The following OVCH1 variants were observed in gnomAD, a reference collection of about 807,000 sequenced individuals.
The protein encoded by OVCH1 is ovochymase-1.
In OVCH1, 139 loss-of-function variants were observed where a neutral mutation model predicts 138.4. That is an observed-to-expected ratio of 1.00 (90% CI 0.87 to 1.16). The LOEUF is 1.16. Ranked by LOEUF, OVCH1 falls within the 50% of genes most tolerant of loss-of-function variation. The pLI is 0.00. For missense variants in OVCH1, 1,367 were observed against 1,357.9 expected, an observed-to-expected ratio of 1.01 and a Z score of -0.11; for synonymous variants, 453 against 467.8, an observed-to-expected ratio of 0.97 and a Z score of 0.41.
chr12:29,409,266 A>G (rs1223747544), downstream of OVCH1, among the ~76,000 whole-genome samples: 2 of 152,102 alleles, frequency 1.3e-5, no homozygotes, highest in Admixed American at 1.3e-4. Flanking sequence ...CAGCTCCTGG[A>G]TTCATTAATG....
chr12:29,440,881 A>T (rs1332156537), intron 25 of OVCH1, 137 bp from the exon 26 acceptor site: 2 of 401,634 alleles, frequency 5.0e-6, no homozygotes, highest in East Asian at 1.4e-4. Flanking sequence ...GGAGAGTGAC[A>T]CTTGTATCTG....
At chr12:29,405,071 A>ATGTT in the OVCH1 span, among the ~76,000 whole-genome samples, 1 of 137,342 alleles carries the variant, frequency 7.3e-6, no homozygotes, top group Non-Finnish European at 1.5e-5. Flanking sequence ...AGAAATGATC[A>ATGTT]TGTTTGTAGG....
intron 19 of OVCH1, among the ~76,000 whole-genome samples, chr12:29,460,408 A>G (rs574507234): frequency 1.8e-4 from 27 of 152,308 alleles, no homozygotes; most frequent in African/African-American, 6.3e-4. Flanking sequence ...TTTTTATCAG[A>G]TAACATTTAT....
chr12:29,477,884 G>A (rs929038618), intron 9 of OVCH1, among the ~76,000 whole-genome samples: 8 of 152,158 alleles, frequency 5.3e-5, no homozygotes, highest in South Asian at 2.1e-4. Context: ...CTCAAAAAAC[G>A]TCCAGTACCT....
chr12:29,479,824 CTTTTTTTT>C (rs34551074), intron 8 of OVCH1, among the ~76,000 whole-genome samples: 2 of 128,384 alleles, frequency 1.6e-5, no homozygotes, highest in Non-Finnish European at 3.3e-5. Flanking sequence ...TCTTTTTTTT[CTTTTTTTT>C]TTTTTTTTTG....
intron 4 of OVCH1, chr12:29,412,577 T>C (rs1346143362): frequency 1.3e-5 from 2 of 152,194 alleles, no homozygotes; most frequent in Non-Finnish European, 2.9e-5. Flanking sequence ...CACTTAGATG[T>C]CACATATATT....
chr12:29,477,106 A>T, exon 12 of OVCH1: 1 of 1,605,638 alleles, frequency 6.2e-7, no homozygotes, highest in Non-Finnish European at 8.5e-7. Context: ...GCCTACCTTT[A>T]TAATGTGCTT....
chr12:29,415,203 C>T lies in OVCH1; in HGVS notation c.*72-2478G>A, dbSNP rs79729808. 6.1e-3 allele frequency among the ~76,000 whole-genome samples: 922 copies of T among 152,144 alleles called. 5 individuals are homozygous for T. The highest frequency in any genetic ancestry group is 0.017 in the African/African-American group (714 of 41,498). On this transcript the variant is annotated intron_variant and NMD_transcript_variant, in intron 3 of 4. Coordinates refer to the OVCH1 transcript ENST00000539117. The stretch of plus-strand genomic sequence containing the variant: ...ATCAGGTGGTGTTAAGTAGGAAGCA[C>T]AGTCCTCGGAGAACAGGAAAAAGGA...
At chr12:29,437,105 C>T (rs534862295) in intron 26 of OVCH1, among the ~76,000 whole-genome samples, 2 of 152,246 alleles carry the variant, frequency 1.3e-5, no homozygotes, top group East Asian at 1.9e-4. Context: ...ACAGAGTGCT[C>T]ATTGGTGCGT....
downstream of OVCH1, among the ~76,000 whole-genome samples, chr12:29,412,215 T>C (rs1486043902): frequency 6.6e-6 from 1 of 152,100 alleles, no homozygotes; most frequent in African/African-American, 2.4e-5. Context: ...CTTTCACCCC[T>C]TTCTTTGACT....
intron 22 of OVCH1, among the ~76,000 whole-genome samples, chr12:29,448,922 C>G (rs886316948): frequency 6.6e-6 from 1 of 151,990 alleles, no homozygotes; most frequent in Non-Finnish European, 1.5e-5. Flanking sequence ...CCAGATTTCC[C>G]CATTAACCAA....
At chr12:29,422,647 C>T (rs922286219), downstream of OVCH1, among the ~76,000 whole-genome samples, 1 of 152,130 alleles carries the variant, frequency 6.6e-6, no homozygotes, top group African/African-American at 2.4e-5. Context: ...ATCTTAAGCA[C>T]AACTGATGAA....
In OVCH1 at chr12:29,435,497, G is replaced by A. The variant is rs543290125; in HGVS notation, c.3265-1684C>T. Among the ~76,000 whole-genome samples the A allele has an allele frequency of 1.7e-4, 26 of 152,204 alleles. No homozygotes were observed. The East Asian group carries it at 3.9e-3, about 23-fold the overall frequency. On this transcript the variant is annotated intron_variant, in intron 26 of 27. Transcript: ENST00000318184. The stretch of plus-strand genomic sequence containing the variant: ...TTCTCCTGCCTCAGCCTCCCGAGCA[G>A]CTGGGACTACAGGCGCCCGCCTAAT...
At chr12:29,492,566 C>G (rs1257149197) in intron 4 of OVCH1, among the ~76,000 whole-genome samples, 2 of 152,046 alleles carry the variant, frequency 1.3e-5, no homozygotes, top group African/African-American at 4.8e-5. Flanking sequence ...TTAAAATTAA[C>G]CCAGGCAAGA....
chr12:29,437,415 G>A (rs117624246), intron 26 of OVCH1, among the ~76,000 whole-genome samples: 2,468 of 152,210 alleles, frequency 0.016, 40 homozygotes, highest in Middle Eastern at 0.027. Context: ...ATCCCTCAGT[G>A]TTTTATACTC....
intron 15 of OVCH1, among the ~76,000 whole-genome samples, 154 bp downstream of exon 15, chr12:29,472,875 A>C (rs989134674): frequency 6.6e-6 from 1 of 152,166 alleles, no homozygotes; most frequent in African/African-American, 2.4e-5. Context: ...TATAAATCCA[A>C]ATATGACTCT....
intron 27 of OVCH1, among the ~76,000 whole-genome samples, chr12:29,432,508 G>T (rs1941286886): frequency 6.6e-6 from 1 of 152,124 alleles, no homozygotes; most frequent in Admixed American, 6.6e-5. Flanking sequence ...GAGCTTGGAG[G>T]CAGGGGTAGG....
At chr12:29,426,743 G>A (rs917298245), downstream of OVCH1, among the ~76,000 whole-genome samples, 2 of 152,152 alleles carry the variant, frequency 1.3e-5, no homozygotes, top group Non-Finnish European at 2.9e-5. Flanking sequence ...TACTTCACTC[G>A]CATTCCATTA....
At chr12:29,433,007 CA>C (rs1165783605) in intron 27 of OVCH1, among the ~76,000 whole-genome samples, 2 of 151,860 alleles carry the variant, frequency 1.3e-5, no homozygotes, top group Non-Finnish European at 2.9e-5. Flanking sequence ...AACGAGAGGG[CA>C]AAAGGGGAGA....
Sources: gnomAD v4.1 joint callset for allele counts (sites outside exome capture counted in the v4.1 genomes callset) on GRCh38, gnomAD v4.1.1 for gene constraint, MANE v1.5 for transcripts, NCBI Gene and HGNC (gene_info 2026-07-23, HGNC 2026-07-21) for gene names.